Variants in RBFOX1 observed in about 807,000 individuals in gnomAD.
The protein encoded by RBFOX1 is RNA binding protein fox-1 homolog 1.
In RBFOX1, 8 loss-of-function variants were observed where a neutral mutation model predicts 57.7. That is an observed-to-expected ratio of 0.14 (90% CI 0.08 to 0.25). The LOEUF is 0.25. RBFOX1 is among the 10% of genes least tolerant of loss of function. The pLI is 1.00. For missense variants in RBFOX1, 611 were observed against 548.5 expected, an observed-to-expected ratio of 1.11 and a Z score of -1.14; for synonymous variants, 326 against 222.4, an observed-to-expected ratio of 1.47 and a Z score of -4.15.
intron 3 of RBFOX1, among the ~76,000 whole-genome samples, chr16:5,661,849 G>A (rs972823573): frequency 6.6e-6 from 1 of 150,828 alleles, no homozygotes; most frequent in African/African-American, 2.4e-5. Context: ...GCAATGGTGA[G>A]ATCTCGGCTC....
In RBFOX1 at chr16:6,964,312, C is replaced by T. The variant is rs142269535; in HGVS notation, c.-15-87745C>T. ...GGGATTATAGGCATGAGCTGTTGTG[C>T]CTGGCAGCATAGAGGATTTTTAGGG... is the stretch of plus-strand genomic sequence containing the variant. On this transcript the variant is annotated intron_variant, in intron 3 of 15. Transcript: ENST00000550418. Among the ~76,000 whole-genome samples the T allele has an allele frequency of 3.9e-4, 60 of 152,304 alleles. 1 individual carries two copies. The highest frequency in any genetic ancestry group is 1.3e-3 in the African/African-American group (55 of 41,560).
At chr16:6,829,944 T>G (rs1603629871) in intron 3 of RBFOX1, among the ~76,000 whole-genome samples, 1 of 150,932 alleles carries the variant, frequency 6.6e-6, no homozygotes, top group African/African-American at 2.4e-5. Context: ...GAGATGGAGT[T>G]TTGCTCTTGT....
At chr16:5,592,708 A>C (rs983743660) in intron 2 of RBFOX1, among the ~76,000 whole-genome samples, 1 of 152,190 alleles carries the variant, frequency 6.6e-6, no homozygotes, top group Non-Finnish European at 1.5e-5. Flanking sequence ...TGCCTCCAAG[A>C]AGGAAGTCTC....
chr16:5,646,197 T>G lies in RBFOX1; in HGVS notation c.318+47236T>G, dbSNP rs545197972. 9.4e-3 allele frequency among the ~76,000 whole-genome samples: 1,423 copies of G among 151,130 alleles called. 25 individuals are homozygous for G. Among genetic ancestry groups the G allele is most frequent in the African/African-American group, 0.033 (1,357 of 41,236 alleles). Reference sequence around the variant, plus strand: ...GGCACGTGCTATTTTTTTTTTTTTTTTGTATTTTTAGTGGAGACAGGGTTT... The same window carrying G: ...GGCACGTGCTATTTTTTTTTTTTTTGTGTATTTTTAGTGGAGACAGGGTTT... On this transcript the variant is annotated intron_variant, in intron 3 of 19. Transcript: ENST00000641259.
At chr16:5,648,293 G>A (rs191383883) in intron 3 of RBFOX1, among the ~76,000 whole-genome samples, 6 of 152,318 alleles carry the variant, frequency 3.9e-5, no homozygotes, top group Admixed American at 1.3e-4. Flanking sequence ...TGGGCAATGG[G>A]TGTCACAACC....
At chr16:6,944,498 A>C (rs915897623) in intron 3 of RBFOX1, among the ~76,000 whole-genome samples, 1 of 152,118 alleles carries the variant, frequency 6.6e-6, no homozygotes, top group Admixed American at 6.5e-5. Flanking sequence ...GGTGACAGTG[A>C]CTTTGGATCA....
At chr16:6,980,649 T>A (rs2088516524) in intron 3 of RBFOX1, among the ~76,000 whole-genome samples, 1 of 152,172 alleles carries the variant, frequency 6.6e-6, no homozygotes, top group Non-Finnish European at 1.5e-5. Context: ...TTGGTATTTC[T>A]CAAGGAAGAA....
At chr16:6,139,349 C>G (rs2096694607) in intron 1 of RBFOX1, among the ~76,000 whole-genome samples, 1 of 152,098 alleles carries the variant, frequency 6.6e-6, no homozygotes, top group Non-Finnish European at 1.5e-5. Flanking sequence ...AGGTGAGGTC[C>G]CAACTCTGCT....
intron 1 of RBFOX1, chr16:5,365,963 A>G (rs2065702681): frequency 2.0e-6 from 1 of 494,018 alleles, no homozygotes; most frequent in South Asian, 1.5e-5. Flanking sequence ...TGAAGGATGA[A>G]TCGTACATTG....
intron 1 of RBFOX1, among the ~76,000 whole-genome samples, chr16:6,283,260 G>C (rs1222121728): frequency 6.6e-6 from 1 of 152,188 alleles, no homozygotes; most frequent in African/African-American, 2.4e-5. Flanking sequence ...CCCGGAGGTT[G>C]AGCCTACAGT....
At chr16:7,517,125 C>T (rs1182162087) in intron 4 of RBFOX1, among the ~76,000 whole-genome samples, 1 of 141,962 alleles carries the variant, frequency 7.0e-6, no homozygotes, top group Non-Finnish European at 1.5e-5. Context: ...CTTTGGGTTA[C>T]AATTTCTTAT....
chr16:7,205,401 C>T (rs1255924859), intron 4 of RBFOX1, among the ~76,000 whole-genome samples: 1 of 151,640 alleles, frequency 6.6e-6, no homozygotes, highest in Non-Finnish European at 1.5e-5. Context: ...TCCTGTAATC[C>T]CAGCTACTCG....
In RBFOX1 at chr16:6,359,928, A is replaced by G. The variant is rs189115671; in HGVS notation, c.-64+42871A>G. ...ATTGGGATGTTAGATCATTAAATTA[A>G]TGGGATGTGATCTATGTCCTCCGTG... On this transcript the variant is annotated intron_variant, in intron 2 of 15. Coordinates refer to ENST00000550418, the MANE Select transcript of RBFOX1 (RefSeq NM_018723.4). Among the ~76,000 whole-genome samples, 454 of 152,326 alleles carry G rather than the reference A, an allele frequency of 3.0e-3. 2 individuals are homozygous for G. The highest frequency in any genetic ancestry group is 6.8e-3 in the Middle Eastern group (2 of 294).
At chr16:5,574,166 A>G (rs144145978) in intron 2 of RBFOX1, among the ~76,000 whole-genome samples, 1,938 of 152,268 alleles carry the variant, frequency 0.013, 55 homozygotes, top group African/African-American at 0.044. Context: ...ATGCGGATCT[A>G]TGAGGGCATC....
At chr16:6,911,022 G>A (rs2071437027) in intron 3 of RBFOX1, among the ~76,000 whole-genome samples, 2 of 152,122 alleles carry the variant, frequency 1.3e-5, no homozygotes, top group South Asian at 4.2e-4. Context: ...TCAACGTGGT[G>A]AAACCCCGTC....
At chr16:7,523,135 T>G (rs528262038) in intron 5 of RBFOX1, among the ~76,000 whole-genome samples, 1 of 152,362 alleles carries the variant, frequency 6.6e-6, no homozygotes, top group East Asian at 1.9e-4. Context: ...ATCATTATTT[T>G]TAGATTCATC....
At chr16:6,005,321 A>G (rs1239439191) in intron 4 of RBFOX1, among the ~76,000 whole-genome samples, 1 of 152,232 alleles carries the variant, frequency 6.6e-6, no homozygotes, top group Non-Finnish European at 1.5e-5. Flanking sequence ...TCATAAGCCC[A>G]TCTGGACACT....
At chr16:7,028,342 C>G (rs1360845792) in intron 3 of RBFOX1, among the ~76,000 whole-genome samples, 1 of 152,026 alleles carries the variant, frequency 6.6e-6, no homozygotes, top group Non-Finnish European at 1.5e-5. Flanking sequence ...TGCCTGGGCT[C>G]AGGGCTGGAG....
chr16:7,285,672 T>C (rs2141325967), intron 4 of RBFOX1, among the ~76,000 whole-genome samples: 1 of 152,302 alleles, frequency 6.6e-6, no homozygotes, highest in Middle Eastern at 3.4e-3. Context: ...ATCAACGTAA[T>C]TCCCTGGAGA....
Sources: allele counts gnomAD v4.1 joint callset (sites outside exome capture counted in the v4.1 genomes callset), GRCh38; gene constraint gnomAD v4.1.1; transcripts MANE v1.5; gene names NCBI Gene and HGNC (gene_info 2026-07-23, HGNC 2026-07-21).